Variants in PXDNL observed in about 807,000 individuals in gnomAD.
The protein encoded by PXDNL is probable oxidoreductase PXDNL.
Under a neutral mutation model 150.8 loss-of-function variants are expected in PXDNL, and 145 were observed. That is an observed-to-expected ratio of 0.96 (90% CI 0.84 to 1.10). PXDNL has a LOEUF of 1.10. PXDNL is among the 50% of genes least tolerant of loss of function. PXDNL has a pLI of 0.00. For synonymous variants in PXDNL, 757 were observed against 725.7 expected (o/e 1.04, Z -0.69); for missense variants, 2,087 against 1,873.9 (o/e 1.11, Z -2.10).
intron 3 of PXDNL, among the ~76,000 whole-genome samples, chr8:51,576,475 C>G (rs936808519): frequency 4.0e-5 from 6 of 151,508 alleles, no homozygotes; most frequent in African/African-American, 1.5e-4. Flanking sequence ...CGGACTAAAT[C>G]AAAGTGAAAA....
At chr8:51,557,695 C>T (rs1240899630) in intron 3 of PXDNL, among the ~76,000 whole-genome samples, 2 of 152,086 alleles carry the variant, frequency 1.3e-5, no homozygotes, top group African/African-American at 4.8e-5. Context: ...TTGTTAAACA[C>T]ACCAATTCTA....
chr8:51,502,251 A>C (rs1811201481), intron 4 of PXDNL, among the ~76,000 whole-genome samples: 1 of 152,246 alleles, frequency 6.6e-6, no homozygotes, highest in African/African-American at 2.4e-5. Flanking sequence ...CCTCTCTAGC[A>C]GCAAGTGGGG....
intron 1 of PXDNL, among the ~76,000 whole-genome samples, chr8:51,777,783 A>C (rs188166574): frequency 6.6e-6 from 1 of 152,272 alleles, no homozygotes; most frequent in Admixed American, 6.5e-5. Flanking sequence ...GGCGCCTGTA[A>C]TCCCAGCTAC....
At chr8:51,502,901 G>T (rs143560526) in intron 4 of PXDNL, among the ~76,000 whole-genome samples, 2 of 152,046 alleles carry the variant, frequency 1.3e-5, no homozygotes, top group African/African-American at 2.4e-5. Context: ...GACAATCTAA[G>T]GGGTAGAATA....
intron 2 of PXDNL, among the ~76,000 whole-genome samples, chr8:51,628,411 T>TC (rs1814412533): frequency 8.1e-6 from 1 of 124,180 alleles, no homozygotes; most frequent in Non-Finnish European, 1.7e-5. Flanking sequence ...TTTTTTTTTT[T>TC]TTTTTTTTTT....
intron 1 of PXDNL, among the ~76,000 whole-genome samples, chr8:51,722,617 A>T (rs1391801894): frequency 6.6e-6 from 1 of 152,132 alleles, no homozygotes; most frequent in Non-Finnish European, 1.5e-5. Context: ...TGGAGTGGGA[A>T]GACGATCTTC....
At chr8:51,637,463 G>C (rs983076020) in intron 2 of PXDNL, among the ~76,000 whole-genome samples, 1 of 152,164 alleles carries the variant, frequency 6.6e-6, no homozygotes, top group Non-Finnish European at 1.5e-5. Flanking sequence ...AAAAAGATTA[G>C]ACGAATGGCT....
At chr8:51,668,394 C>T (rs914462554) in intron 1 of PXDNL, among the ~76,000 whole-genome samples, 4 of 151,958 alleles carry the variant, frequency 2.6e-5, no homozygotes, top group African/African-American at 9.7e-5. Context: ...AGGCTGGTCT[C>T]GAACCCCTGA....
chr8:51,680,652 G>A (rs1202209226), intron 1 of PXDNL, among the ~76,000 whole-genome samples: 2 of 152,140 alleles, frequency 1.3e-5, no homozygotes, highest in African/African-American at 4.8e-5. Flanking sequence ...GTCATCTCAC[G>A]GAGGTGCGAG....
chr8:51,491,157 A>C (rs971191131), intron 5 of PXDNL, among the ~76,000 whole-genome samples: 1 of 152,146 alleles, frequency 6.6e-6, no homozygotes, highest in Non-Finnish European at 1.5e-5. Context: ...CAAATTCTTC[A>C]AGTCTGGGAC....
intron 4 of PXDNL, among the ~76,000 whole-genome samples, chr8:51,520,499 G>A (rs777438628): frequency 1.3e-4 from 20 of 152,098 alleles, no homozygotes; most frequent in Non-Finnish European, 1.2e-4. Flanking sequence ...CATGCACCCA[G>A]AGGACCCAAA....
chr8:51,358,445 C>T (rs545371210), intron 19 of PXDNL, among the ~76,000 whole-genome samples: 1 of 152,186 alleles, frequency 6.6e-6, no homozygotes, highest in Non-Finnish European at 1.5e-5. Context: ...GACCTTGTGT[C>T]GGTACATTCC....
chr8:51,378,437 C>A (rs967987882), intron 17 of PXDNL, among the ~76,000 whole-genome samples: 5 of 152,166 alleles, frequency 3.3e-5, no homozygotes, highest in African/African-American at 1.2e-4. Flanking sequence ...GTAAACTCAC[C>A]AATCAGCACC....
At chr8:51,700,031 G>A (rs1434021997) in intron 1 of PXDNL, among the ~76,000 whole-genome samples, 1 of 152,108 alleles carries the variant, frequency 6.6e-6, no homozygotes, top group Non-Finnish European at 1.5e-5. Context: ...GAGACAGGAA[G>A]TGAGCACATG....
intron 20 of PXDNL, among the ~76,000 whole-genome samples, chr8:51,341,777 C>T (rs956473094): frequency 1.3e-5 from 2 of 152,182 alleles, no homozygotes; most frequent in Admixed American, 1.3e-4. Context: ...AATGACATAG[C>T]ACCTCACACC....
At chr8:51,476,293 G>C (rs1158275709) in intron 6 of PXDNL, among the ~76,000 whole-genome samples, 1 of 152,198 alleles carries the variant, frequency 6.6e-6, no homozygotes, top group Non-Finnish European at 1.5e-5. Flanking sequence ...AGCTCCCCCA[G>C]GAGTTGGCTT....
chr8:51,438,334 C>CA (rs113117803), intron 12 of PXDNL, among the ~76,000 whole-genome samples: 28,744 of 151,850 alleles, frequency 0.19, 3,038 homozygotes, highest in East Asian at 0.32. Context: ...CATATGGAAG[C>CA]AAAAAAAGCC....
chr8:51,524,958 T>C (rs988685039), intron 4 of PXDNL, among the ~76,000 whole-genome samples: 4 of 152,228 alleles, frequency 2.6e-5, no homozygotes, highest in Admixed American at 1.3e-4. Context: ...AACTGTTGAC[T>C]CATACACCCT....
chr8:51,732,836 A>T (rs1019940540), intron 1 of PXDNL, among the ~76,000 whole-genome samples: 6 of 152,054 alleles, frequency 3.9e-5, no homozygotes, highest in African/African-American at 1.4e-4. Context: ...CTTGGGAAAG[A>T]CCCATCCCCA....
Sources: gnomAD v4.1 joint callset for allele counts (sites outside exome capture counted in the v4.1 genomes callset) on GRCh38, gnomAD v4.1.1 for gene constraint, MANE v1.5 for transcripts, NCBI Gene and HGNC (gene_info 2026-07-23, HGNC 2026-07-21) for gene names.